KCNMA1: variants seen among roughly 807,000 people sequenced by gnomAD.
The protein encoded by KCNMA1 is Calcium-activated potassium channel subunit alpha-1.
Under a neutral mutation model 140.0 loss-of-function variants are expected in KCNMA1, and 29 were observed. The ratio of observed to expected loss-of-function variants is 0.21; its 90% confidence interval spans 0.15 to 0.28. KCNMA1 has a LOEUF of 0.28. Among genes scored for constraint, KCNMA1 ranks in the 10% least tolerant of loss-of-function variants. KCNMA1 has a pLI of 1.00. For missense variants in KCNMA1, 880 were observed against 1,602.2 expected (o/e 0.55, Z 7.70); for synonymous variants, 612 against 611.9 (o/e 1.00, Z 0.00).
chr10:77,066,557 C>T (rs1004891038), intron 14 of KCNMA1, among the ~76,000 whole-genome samples: 14 of 152,036 alleles, frequency 9.2e-5, no homozygotes, highest in South Asian at 6.2e-4. Context: ...GCAGTTGAAT[C>T]GGTGACGCCG....
intron 15 of KCNMA1, among the ~76,000 whole-genome samples, chr10:77,036,857 C>A (rs562152386): frequency 6.6e-6 from 1 of 152,120 alleles, no homozygotes; most frequent in East Asian, 1.9e-4. Flanking sequence ...GATAATTAAG[C>A]CTCCAGATAA....
intron 2 of KCNMA1, among the ~76,000 whole-genome samples, chr10:77,297,437 T>G (rs2075455007): frequency 6.6e-6 from 1 of 152,168 alleles, no homozygotes; most frequent in Non-Finnish European, 1.5e-5. Context: ...TCAGGGAACA[T>G]AAGCTTTTAT....
chr10:76,940,026 A>G (rs2061557039), intron 23 of KCNMA1, among the ~76,000 whole-genome samples: 1 of 152,254 alleles, frequency 6.6e-6, no homozygotes, highest in South Asian at 2.1e-4. Context: ...AGTTGCTGGT[A>G]AAGAGCTGTA....
intron 1 of KCNMA1, among the ~76,000 whole-genome samples, chr10:77,611,113 A>G (rs1206186577): frequency 6.6e-6 from 1 of 152,188 alleles, no homozygotes; most frequent in Non-Finnish European, 1.5e-5. Context: ...TGTGTAGGGG[A>G]CTTTGGCTAA....
intron 2 of KCNMA1, among the ~76,000 whole-genome samples, chr10:77,294,865 G>A (rs1267779915): frequency 6.6e-5 from 10 of 152,184 alleles, no homozygotes; most frequent in African/African-American, 2.4e-4. Context: ...GTTGCAGTCA[G>A]CCGAGATTGT....
chr10:77,580,153 G>A (rs993032813), intron 1 of KCNMA1, among the ~76,000 whole-genome samples: 89 of 152,050 alleles, frequency 5.9e-4, no homozygotes, highest in African/African-American at 2.0e-3. Flanking sequence ...AGGCCGAGGC[G>A]GGCAGATCAC....
intron 1 of KCNMA1, among the ~76,000 whole-genome samples, chr10:77,412,356 C>G (rs1435989791): frequency 6.6e-6 from 1 of 152,212 alleles, no homozygotes; most frequent in Non-Finnish European, 1.5e-5. Context: ...AGCCCCACCC[C>G]ACCCTCTCCC....
At position 77,637,629 on chromosome 10, in the gene KCNMA1, C is replaced by T. The variant is rs773490198; in HGVS notation, c.14G>A (p.Gly5Asp). 1.3e-6 allele frequency: 2 copies of T among 1,522,408 alleles called. No homozygotes were observed. Among genetic ancestry groups the T allele is most frequent in the Non-Finnish European group, 1.8e-6 (2 of 1,140,104 alleles). The allele number at this position is 1,522,408 out of a possible 1,614,324, so 94.3% of individuals were successfully genotyped here. The change falls in exon 1 of 28, where the codon GGC becomes GAC. Residue 5 changes from glycine (G) to aspartate (D), a missense_variant. Coordinates refer to ENST00000286628, the MANE Select transcript of KCNMA1 (RefSeq NM_001161352.2). ...GCCGCTGCTGCCGCCGCCGCCGCCG[C>T]CACCATTTGCCATAGCTAGCAACGG... is the stretch of plus-strand genomic sequence containing the variant. MANG[G>D]GGGGGSSGGG...
intron 2 of KCNMA1, among the ~76,000 whole-genome samples, chr10:77,352,121 C>T (rs578138275): frequency 3.3e-5 from 5 of 152,358 alleles, no homozygotes; most frequent in Admixed American, 1.3e-4. Context: ...GGCTAAAACA[C>T]GTGAAATGTG....
At chr10:77,619,715 A>C (rs1057180273) in intron 1 of KCNMA1, among the ~76,000 whole-genome samples, 6 of 152,174 alleles carry the variant, frequency 3.9e-5, no homozygotes, top group Non-Finnish European at 8.8e-5. Context: ...AGCTGTCTGC[A>C]GAGGAGACAG....
intron 3 of KCNMA1, among the ~76,000 whole-genome samples, chr10:77,247,810 T>C (rs1229768698): frequency 6.6e-6 from 1 of 152,094 alleles, no homozygotes; most frequent in Non-Finnish European, 1.5e-5. Flanking sequence ...GCTTGGGTGT[T>C]TCTAGAGAGT....
chr10:77,412,844 TTTTTGTTTTG>T (rs566706184), intron 1 of KCNMA1, among the ~76,000 whole-genome samples: 9 of 152,122 alleles, frequency 5.9e-5, no homozygotes, highest in African/African-American at 9.7e-5. Flanking sequence ...TGTTAGCTTT[TTTTTGTTTTG>T]TTTTGTTTTG....
In KCNMA1 at chr10:77,360,907, G is replaced by A. The variant is rs188096056; in HGVS notation, c.540+42955C>T. ...GCCTGAGCCTCCTCACTGCCAGGATGAGGGAGCCGCAATGATCTGGGGTAC... is the reference window on the plus strand; with the variant it reads ...GCCTGAGCCTCCTCACTGCCAGGATAAGGGAGCCGCAATGATCTGGGGTAC... On this transcript the variant is annotated intron_variant, in intron 2 of 27. Coordinates refer to ENST00000286628, the MANE Select transcript of KCNMA1 (RefSeq NM_001161352.2). Among the ~76,000 whole-genome samples the A allele has an allele frequency of 6.6e-5, 10 of 152,248 alleles. No homozygotes were observed. In the East Asian group the frequency reaches 1.9e-3, roughly 30 times the overall value.
intron 1 of KCNMA1, among the ~76,000 whole-genome samples, chr10:77,620,266 G>A (rs1231079692): frequency 1.3e-5 from 2 of 152,072 alleles, no homozygotes; most frequent in Non-Finnish European, 2.9e-5. Context: ...CTGGCCGCCG[G>A]GCCTGGCCGC....
rs759033985 is a variant in KCNMA1, at chr10:76,949,160, G to C, written c.2691C>G (p.Pro897=). ...GACTTACAGGCAATATGGACACTTTGGGGAAGTTATGAAGCGTCTCCCATT... is the reference window on the plus strand; with the variant it reads ...GACTTACAGGCAATATGGACACTTTCGGGAAGTTATGAAGCGTCTCCCATT... ...KREWETLHNF[P]KVSILPGTPL... The change falls in exon 22 of 28, where the codon CCC becomes CCG. Residue 897 remains proline, a synonymous_variant. Transcript: ENST00000286628. The C allele has an allele frequency of 3.1e-6, 5 of 1,613,440 alleles. No homozygotes were observed. The highest frequency in any genetic ancestry group is 1.1e-5 in the South Asian group (1 of 91,066).
chr10:77,068,697 T>TG (rs1449883210), intron 14 of KCNMA1, among the ~76,000 whole-genome samples: 3 of 115,692 alleles, frequency 2.6e-5, no homozygotes, highest in East Asian at 2.9e-4. Flanking sequence ...TGTTCCAGGT[T>TG]TTGTGTGTGT....
chr10:77,534,217 T>C (rs185601475), intron 1 of KCNMA1, among the ~76,000 whole-genome samples: 86 of 152,310 alleles, frequency 5.6e-4, no homozygotes, highest in East Asian at 7.7e-4. Context: ...TTATTTATAA[T>C]AGCCAAACAG....
intron 6 of KCNMA1, among the ~76,000 whole-genome samples, 200 bp from the exon 7 acceptor site, chr10:77,112,642 TA>T (rs2097352941): frequency 6.6e-6 from 1 of 152,194 alleles, no homozygotes; most frequent in Non-Finnish European, 1.5e-5. Context: ...GGAACAAATT[TA>T]ACTTTGGTAA....
chr10:76,931,271 C>A (rs1299677007), intron 23 of KCNMA1, among the ~76,000 whole-genome samples: 1 of 151,846 alleles, frequency 6.6e-6, no homozygotes, highest in Non-Finnish European at 1.5e-5. Flanking sequence ...TGTTGTAAAC[C>A]TTGAATATAT....
Sources: allele counts gnomAD v4.1 joint callset (sites outside exome capture counted in the v4.1 genomes callset), GRCh38; gene constraint gnomAD v4.1.1; transcripts MANE v1.5; gene names NCBI Gene and HGNC (gene_info 2026-07-23, HGNC 2026-07-21).